DLG2: variants seen among roughly 807,000 people sequenced by gnomAD.
The protein encoded by DLG2 is discs large MAGUK scaffold protein 2, also known as disks large homolog 2.
DLG2 carries 45 observed loss-of-function variants against 132.5 expected under a neutral mutation model. The observed-to-expected ratio is 0.34, with a 90% CI of 0.27 to 0.44. The LOEUF (loss-of-function observed/expected upper bound fraction) is 0.44. DLG2 is among the 20% of genes least tolerant of loss of function. DLG2 has a pLI of 1.00. For synonymous variants in DLG2, 424 were observed against 419.6 expected (o/e 1.01, Z -0.13); for missense variants, 1,045 against 1,196.9 (o/e 0.87, Z 1.87).
At chr11:83,920,350 TC>T (rs35155863) in intron 15 of DLG2, among the ~76,000 whole-genome samples, 93,809 of 151,822 alleles carry the variant, frequency 0.62, 29,437 homozygotes, top group East Asian at 0.9. Flanking sequence ...GTTTATTTTC[TC>T]TTCTCTGAGA....
chr11:84,818,732 T>A (rs1482530758), intron 6 of DLG2, among the ~76,000 whole-genome samples: 1 of 151,910 alleles, frequency 6.6e-6, no homozygotes, highest in African/African-American at 2.4e-5. Context: ...TGTATTTTAA[T>A]CCTATAAGGT....
chr11:84,811,098 A>G (rs1221907100), intron 6 of DLG2, among the ~76,000 whole-genome samples: 2 of 152,154 alleles, frequency 1.3e-5, no homozygotes, highest in African/African-American at 4.8e-5. Flanking sequence ...AACGCTCTGT[A>G]TTATTTCTGA....
At chr11:84,577,789 C>A (rs1306695204) in intron 6 of DLG2, among the ~76,000 whole-genome samples, 1 of 152,162 alleles carries the variant, frequency 6.6e-6, no homozygotes, top group Non-Finnish European at 1.5e-5. Flanking sequence ...ATGCAGGACC[C>A]TAATGTTAAT....
At chr11:84,051,381 C>G (rs919379530) in intron 11 of DLG2, among the ~76,000 whole-genome samples, 13 of 151,806 alleles carry the variant, frequency 8.6e-5, no homozygotes, top group Admixed American at 8.5e-4. Flanking sequence ...ACCCAAATGT[C>G]CAACAATGAT....
intron 6 of DLG2, chr11:84,923,377 A>T (rs1013664886): frequency 2.7e-5 from 30 of 1,125,150 alleles, no homozygotes; most frequent in Non-Finnish European, 3.2e-5. Context: ...TCTGAAAGTT[A>T]AGACCTCAGT....
At chr11:84,306,225 T>A (rs2098216308) in intron 7 of DLG2, among the ~76,000 whole-genome samples, 1 of 152,172 alleles carries the variant, frequency 6.6e-6, no homozygotes, top group Non-Finnish European at 1.5e-5. Context: ...AATGTATACA[T>A]GCATTGAAAC....
intron 6 of DLG2, among the ~76,000 whole-genome samples, chr11:84,695,366 A>G (rs2058510470): frequency 6.6e-6 from 1 of 151,624 alleles, no homozygotes. Flanking sequence ...AACAGCAAAC[A>G]CAACATTGGA....
At chr11:83,682,011 A>T in intron 18 of DLG2, 1 of 372,408 alleles carries the variant, frequency 2.7e-6, no homozygotes, top group Non-Finnish European at 3.7e-6. Flanking sequence ...CTTTTAAGCT[A>T]TTTTGCTCGT....
At chr11:85,126,565 T>C (rs969579709) in intron 5 of DLG2, among the ~76,000 whole-genome samples, 2 of 152,182 alleles carry the variant, frequency 1.3e-5, no homozygotes, top group Non-Finnish European at 2.9e-5. Context: ...TTTTCCCTAC[T>C]ATTAGCTGTA....
intron 12 of DLG2, among the ~76,000 whole-genome samples, chr11:83,969,755 C>T (rs34745106): frequency 0.043 from 6,467 of 151,916 alleles, 199 homozygotes; most frequent in Non-Finnish European, 0.067. Context: ...GTATTTTTAG[C>T]AGACACAGGG....
chr11:84,902,544 G>A (rs958580238), intron 6 of DLG2, among the ~76,000 whole-genome samples: 1 of 152,074 alleles, frequency 6.6e-6, no homozygotes, highest in Admixed American at 6.6e-5. Context: ...CCACAATGGT[G>A]GTATCCCCCA....
chr11:85,213,363 T>A (rs1157801189), intron 4 of DLG2, among the ~76,000 whole-genome samples: 2 of 151,452 alleles, frequency 1.3e-5, no homozygotes, highest in Non-Finnish European at 2.9e-5. Context: ...AGATGTACAT[T>A]GGTTTAGTCC....
At chr11:83,509,374 A>G (rs1477080735) in intron 21 of DLG2, among the ~76,000 whole-genome samples, 1 of 152,236 alleles carries the variant, frequency 6.6e-6, no homozygotes, top group African/African-American at 2.4e-5. Flanking sequence ...TCAAGGTCAC[A>G]AATCTAGAAA....
intron 6 of DLG2, among the ~76,000 whole-genome samples, chr11:84,797,021 A>C (rs895624329): frequency 6.6e-6 from 1 of 151,538 alleles, no homozygotes; most frequent in Non-Finnish European, 1.5e-5. Context: ...AATTTTTTCT[A>C]TTTTTAGTAG....
At chr11:84,200,120 A>G (rs921077249) in intron 8 of DLG2, among the ~76,000 whole-genome samples, 2 of 152,136 alleles carry the variant, frequency 1.3e-5, no homozygotes, top group African/African-American at 4.8e-5. Flanking sequence ...AATAATGCAC[A>G]AGACAAACCA....
At chr11:84,568,656 C>A (rs1286155151) in intron 6 of DLG2, among the ~76,000 whole-genome samples, 1 of 152,166 alleles carries the variant, frequency 6.6e-6, no homozygotes, top group Non-Finnish European at 1.5e-5. Context: ...CCCCAACAAA[C>A]CTGCCCAGGC....
intron 6 of DLG2, among the ~76,000 whole-genome samples, chr11:85,095,719 C>T (rs1254305977): frequency 1.3e-5 from 2 of 152,126 alleles, no homozygotes; most frequent in East Asian, 1.9e-4. Flanking sequence ...GAACCTTTTC[C>T]AGAGTTCCCA....
chr11:83,503,836 A>G (rs1456042350), intron 21 of DLG2, among the ~76,000 whole-genome samples: 1 of 152,132 alleles, frequency 6.6e-6, no homozygotes, highest in Admixed American at 6.5e-5. Flanking sequence ...GTTGACACTC[A>G]GTATTAACCA....
chr11:85,546,818 C>CTTTTTTTTTTTTTTTT (rs34822004), intron 3 of DLG2, among the ~76,000 whole-genome samples: 21 of 69,004 alleles, frequency 3.0e-4, no homozygotes, highest in South Asian at 5.9e-4. Flanking sequence ...ATAACCCCTG[C>CTTTTTTTTTTTTTTTT]TTTTTTTTTT....
Sources: gnomAD v4.1 joint callset for allele counts (sites outside exome capture counted in the v4.1 genomes callset) on GRCh38, gnomAD v4.1.1 for gene constraint, MANE v1.5 for transcripts, NCBI Gene and HGNC (gene_info 2026-07-23, HGNC 2026-07-21) for gene names.